Variants in CFAP92 observed in about 807,000 individuals in gnomAD.
CFAP92 encodes the protein uncharacterized protein CFAP92.
Under a neutral mutation model 106.3 loss-of-function variants are expected in CFAP92, and 86 were observed. That is an observed-to-expected ratio of 0.81 (90% CI 0.68 to 0.97). The LOEUF is 0.97. Ranked by LOEUF, CFAP92 falls within the 50% of genes least tolerant of loss-of-function variation. CFAP92 has a pLI of 0.00. For missense variants in CFAP92, 1,204 were observed against 1,283.8 expected, an observed-to-expected ratio of 0.94 and a Z score of 0.95; for synonymous variants, 477 against 506.4, an observed-to-expected ratio of 0.94 and a Z score of 0.78.
chr3:128,933,136 T>TCC, intron 11 of CFAP92, 139 bp from the exon 12 acceptor site: 2 of 777,020 alleles, frequency 2.6e-6, no homozygotes, highest in Non-Finnish European at 4.1e-6. Flanking sequence ...ACTAAAGAGC[T>TCC]CCAATTCCAG....
the CFAP92 span, among the ~76,000 whole-genome samples, chr3:129,015,286 A>C: frequency 6.6e-6 from 1 of 152,028 alleles, no homozygotes; most frequent in African/African-American, 2.4e-5. Flanking sequence ...TTCACCCTTC[A>C]GGTCTTGCCA....
chr3:128,916,084 A>C, intron 13 of CFAP92, 23 bp downstream of exon 13: 1 of 1,232,224 alleles, frequency 8.1e-7, no homozygotes, highest in Non-Finnish European at 1.0e-6. Context: ...GCCAACTGCC[A>C]TCATCCTGTC....
In CFAP92 at chr3:128,915,440, C is replaced by A. The variant is rs1165807052; in HGVS notation, c.3040G>T (p.Gly1014Ter). The change falls in exon 14 of 16, where the codon GGA becomes TGA. Residue 1014 changes from glycine (G) to a stop codon, truncating the protein, a stop_gained. Transcript: ENST00000645291. LOFTEE classifies it high-confidence loss of function. ...CTCTGAAGACCTGTCACTTGGAATC[C>A]CCTGGCTGTGAGCCAGGCCTGGCGG... ...KSRQAWLTAR[G>*]FQVTGLQSDT... The A allele has an allele frequency of 1.3e-6, 2 of 1,535,994 alleles. No homozygotes were observed. Among genetic ancestry groups the A allele is most frequent in the Non-Finnish European group, 1.7e-6 (2 of 1,146,916 alleles).
chr3:128,959,452 C>A (rs1224978149), intron 9 of CFAP92, among the ~76,000 whole-genome samples: 1 of 152,080 alleles, frequency 6.6e-6, no homozygotes, highest in Non-Finnish European at 1.5e-5. Context: ...CATATGAGAT[C>A]TCAAAAATAA....
intron 9 of CFAP92, among the ~76,000 whole-genome samples, chr3:128,962,184 G>A (rs1303807923): frequency 6.6e-6 from 1 of 152,140 alleles, no homozygotes; most frequent in Admixed American, 6.5e-5. Context: ...GATGCTGCCC[G>A]ATCGCCTCGG....
rs190715392 is a variant in CFAP92, at chr3:128,946,261, A to G, written c.1354-286T>C. On this transcript the variant is annotated intron_variant, in intron 9 of 15. Transcript: ENST00000645291. ...AATGTGAGTGCCATGAAGATAGGCC[A>G]TGTGTCCTTTTTCATACCTGTACTT... is the stretch of plus-strand genomic sequence containing the variant. Among the ~76,000 whole-genome samples, 19 of 152,050 alleles carry G rather than the reference A, an allele frequency of 1.2e-4. No homozygotes were observed. In the East Asian group the frequency reaches 2.7e-3, roughly 22 times the overall value.
Position 128,910,256 on chromosome 3 carries a change from G to A in CFAP92, c.*43C>T, listed in dbSNP as rs370246657. On this transcript the variant is annotated 3_prime_UTR_variant, in exon 16 of 16. Coordinates refer to ENST00000645291, the MANE Select transcript of CFAP92 (RefSeq NM_001394090.1). ...GGTGTGGTCGGGTGTGGGGGAGGCTGTGCAGGTTCACCATGCGGTGGCCGT... is the reference window on the plus strand; with the variant it reads ...GGTGTGGTCGGGTGTGGGGGAGGCTATGCAGGTTCACCATGCGGTGGCCGT... 67 of 1,563,662 alleles carry A rather than the reference G, an allele frequency of 4.3e-5. 1 individual carries two copies. Among genetic ancestry groups the A allele is most frequent in the Admixed American group, 1.3e-4 (7 of 54,264 alleles).
chr3:128,991,213 GA>G (rs1944192434), intron 2 of CFAP92, among the ~76,000 whole-genome samples: 1 of 152,234 alleles, frequency 6.6e-6, no homozygotes, highest in African/African-American at 2.4e-5. Context: ...GTATTTGCCA[GA>G]TGTCTTTTTC....
Position 129,002,028 on chromosome 3 carries a change from C to T in CFAP92, n.117+546G>A, listed in dbSNP as rs991376743. 1.7e-4 allele frequency: 270 copies of T among 1,544,048 alleles called. No individual in the cohort carries two copies. Among genetic ancestry groups the T allele is most frequent in the Non-Finnish European group, 2.2e-4 (256 of 1,144,640 alleles). On this transcript the variant is annotated intron_variant and non_coding_transcript_variant, in intron 1 of 4. Transcript: ENST00000510149. ...CGATGAAGAGGCGCGCCTGGCGCTG[C>T]GCGCCGAGCCGCCGGAGCTCACCTT...
chr3:128,977,897 G>T, intron 5 of CFAP92, 148 bp downstream of exon 5: 1 of 862,686 alleles, frequency 1.2e-6, no homozygotes. Flanking sequence ...GAGCAATACA[G>T]CCGTGTGGCA....
chr3:128,923,786 C>T (rs1356251482), intron 12 of CFAP92, among the ~76,000 whole-genome samples: 1 of 152,200 alleles, frequency 6.6e-6, no homozygotes, highest in African/African-American at 2.4e-5. Context: ...GGAAATGTTA[C>T]TCTTAAATGC....
At chr3:128,993,523 G>C (rs1238283622) in intron 1 of CFAP92, 187 bp from the exon 2 acceptor site, 1 of 614,210 alleles carries the variant, frequency 1.6e-6, no homozygotes, top group South Asian at 2.0e-5. Context: ...AGAATGAATG[G>C]ATGAAGGAAC....
At position 128,993,273 on chromosome 3, in the gene CFAP92, T is replaced by C; in HGVS notation, c.32A>G (p.Asp11Gly). The C allele has an allele frequency of 6.2e-7, 1 of 1,613,666 alleles. No homozygotes were observed. The highest frequency in any genetic ancestry group is 1.3e-5 in the African/African-American group (1 of 74,994). Residue 11 changes from aspartate to glycine, a missense_variant, in exon 2 of 16, where the codon GAC becomes GGC. Physicochemically the swap from Asp to Gly is moderately conservative, Grantham distance 94. Coordinates refer to ENST00000645291, the MANE Select transcript of CFAP92 (RefSeq NM_001394090.1). Reference sequence around the variant, plus strand: ...GGAGATGGGCTCTATGCTTGCGGGGTCCTCTTCCCACTCCCAGGCATGTAG... The same window carrying C: ...GGAGATGGGCTCTATGCTTGCGGGGCCCTCTTCCCACTCCCAGGCATGTAG... MSLHAWEWEE[D>G]PASIEPISSI...
At chr3:128,993,510 T>A in intron 1 of CFAP92, 174 bp from the exon 2 acceptor site, 1 of 637,554 alleles carries the variant, frequency 1.6e-6, no homozygotes, top group Non-Finnish European at 2.7e-6. Context: ...TCAATCGACT[T>A]AGAGAATGAA....
intron 9 of CFAP92, among the ~76,000 whole-genome samples, chr3:128,963,066 A>G (rs1173333833): frequency 6.6e-6 from 1 of 152,230 alleles, no homozygotes; most frequent in Non-Finnish European, 1.5e-5. Context: ...TACTGCCGCA[A>G]GGCTTCACAG....
At position 128,950,640 on chromosome 3, in the gene CFAP92, G is replaced by C. The variant is rs75526117; in HGVS notation, c.1354-4665C>G. On this transcript the variant is annotated intron_variant, in intron 9 of 15. Transcript: ENST00000645291. ...AAAAGAGACAAAGCAAACAACAAAGGGGGCAGGCACAAGCTGCTGAAGTCC... is the reference window on the plus strand; with the variant it reads ...AAAAGAGACAAAGCAAACAACAAAGCGGGCAGGCACAAGCTGCTGAAGTCC... Among the ~76,000 whole-genome samples, 1,376 of 152,246 alleles carry C rather than the reference G, an allele frequency of 9.0e-3. 22 individuals are homozygous for C. The highest frequency in any genetic ancestry group is 0.031 in the African/African-American group (1,300 of 41,544).
chr3:128,941,143 T>G (rs183795830), intron 10 of CFAP92, among the ~76,000 whole-genome samples: 17 of 152,294 alleles, frequency 1.1e-4, no homozygotes, highest in Admixed American at 1.1e-3. Flanking sequence ...TTTGTCAAAT[T>G]TAGTCCTATG....
intron 9 of CFAP92, among the ~76,000 whole-genome samples, chr3:128,949,904 T>A (rs980885729): frequency 7.2e-5 from 11 of 152,140 alleles, no homozygotes; most frequent in Non-Finnish European, 1.3e-4. Flanking sequence ...GCCAGGCTGG[T>A]CTGAAACTCC....
intron 15 of CFAP92, among the ~76,000 whole-genome samples, chr3:128,913,409 T>C (rs184658954): frequency 6.6e-6 from 1 of 152,324 alleles, no homozygotes; most frequent in Admixed American, 6.5e-5. Context: ...GAGGAGAGGA[T>C]GAATGGTATC....
Sources: allele counts gnomAD v4.1 joint callset (sites outside exome capture counted in the v4.1 genomes callset), GRCh38; gene constraint gnomAD v4.1.1; transcripts MANE v1.5; gene names NCBI Gene and HGNC (gene_info 2026-07-23, HGNC 2026-07-21).